IMPACT: variants seen among roughly 807,000 people sequenced by gnomAD.
The protein encoded by IMPACT is protein IMPACT.
IMPACT carries 35 observed loss-of-function variants against 47.5 expected under a neutral mutation model. That is an observed-to-expected ratio of 0.74 (90% CI 0.56 to 0.98). IMPACT has a LOEUF of 0.98. IMPACT is among the 50% of genes least tolerant of loss of function. IMPACT has a pLI of 0.00. For synonymous variants in IMPACT, 118 were observed against 125.6 expected (o/e 0.94, Z 0.40); for missense variants, 373 against 394.8 (o/e 0.94, Z 0.47).
rs371194789 is a variant in IMPACT at position 24,428,939 on chromosome 18, G to A, written c.218+18G>A. The A allele has an allele frequency of 2.2e-5, 35 of 1,563,716 alleles. No individual in the cohort carries two copies. The highest frequency in any genetic ancestry group is 3.0e-5 in the Non-Finnish European group (34 of 1,138,016). ...CAGTTGAAGTAAGCTGTATTTCTAC[G>A]TTTATATTGCTATAAAAAGATTCTA... On this transcript the variant is annotated intron_variant, in intron 3 of 10. Coordinates refer to ENST00000284202, the MANE Select transcript of IMPACT (RefSeq NM_018439.4).
At chr18:24,435,177 C>G (rs1467391526) in intron 4 of IMPACT, among the ~76,000 whole-genome samples, 1 of 151,866 alleles carries the variant, frequency 6.6e-6, no homozygotes, top group Non-Finnish European at 1.5e-5. Context: ...GCTACGTTGC[C>G]CAGACTTGTC....
chr18:24,433,877 G>A (rs1304233644), intron 4 of IMPACT, among the ~76,000 whole-genome samples: 2 of 151,348 alleles, frequency 1.3e-5, no homozygotes, highest in African/African-American at 4.9e-5. Context: ...CAGCATTTTG[G>A]CCAGGCTGGT....
At chr18:24,430,012 C>T (rs1317248815) in intron 3 of IMPACT, among the ~76,000 whole-genome samples, 2 of 152,024 alleles carry the variant, frequency 1.3e-5, no homozygotes, top group East Asian at 1.9e-4. Flanking sequence ...CTCCTGACCT[C>T]GTGATCTGCC....
chr18:24,448,178 A>G lies in IMPACT; in HGVS notation c.754A>G (p.Met252Val). 8.1e-6 allele frequency: 13 copies of G among 1,609,964 alleles called. No individual in the cohort carries two copies. The highest frequency in any genetic ancestry group is 1.0e-5 in the Non-Finnish European group (12 of 1,176,350). Residue 252 changes from methionine (M) to valine (V), a missense_variant, in exon 9 of 11, where the codon ATG (methionine) becomes GTG (valine). Physicochemically the swap from Met to Val is conservative, Grantham distance 21. Transcript: ENST00000284202. Reference sequence around the variant, plus strand: ...AGCTGGTGGGCGTCTTCTTCATCTCATGGAGGTAGGTGTAAGTTAAACTAT... The same window carrying G: ...AGCTGGTGGGCGTCTTCTTCATCTCGTGGAGGTAGGTGTAAGTTAAACTAT... ...TAAGGRLLHL[M>V]EILNVKNVMV...
At position 24,445,124 on chromosome 18, in the gene IMPACT, A is replaced by G. The variant is rs116410245; in HGVS notation, c.595-269A>G. 4.0e-3 allele frequency among the ~76,000 whole-genome samples: 615 copies of G among 152,306 alleles called. 2 individuals carry two copies. The highest frequency in any genetic ancestry group is 0.014 in the African/African-American group (599 of 41,574). On this transcript the variant is annotated intron_variant, in intron 7 of 10. Coordinates refer to ENST00000284202, the MANE Select transcript of IMPACT (RefSeq NM_018439.4). ...ACATTTAAAATTCCCTACATGGGGA[A>G]CAAACTTTCCCTTTGACATAGTAGT...
At chr18:24,429,640 T>C (rs1908700680) in intron 3 of IMPACT, 1 of 152,218 alleles carries the variant, frequency 6.6e-6, no homozygotes, top group African/African-American at 2.4e-5. Context: ...CTAGAATTTG[T>C]ACCTATTAGT....
Position 24,450,892 on chromosome 18 carries a change from A to G in IMPACT, c.*45A>G. Reference sequence around the variant, plus strand: ...GGTTAATTTGCCTATAATTATATATACATTCCATAGTCATCAAGGAATATA... The same window carrying G: ...GGTTAATTTGCCTATAATTATATATGCATTCCATAGTCATCAAGGAATATA... On this transcript the variant is annotated 3_prime_UTR_variant, in exon 11 of 11. Coordinates refer to ENST00000284202, the MANE Select transcript of IMPACT (RefSeq NM_018439.4). 8.7e-7 allele frequency: 1 copy of G among 1,143,090 alleles called. No individual in the cohort carries two copies. The highest frequency in any genetic ancestry group is 1.3e-5 in the South Asian group (1 of 77,448). The allele number at this position is 1,143,090 out of a possible 1,614,324, so 70.8% of individuals were successfully genotyped here. A position where few individuals can be genotyped will look rare whatever the true frequency, so the allele number is the denominator to read the frequency against.
At chr18:24,447,984 A>C in intron 8 of IMPACT, 109 bp from the exon 9 acceptor site, 1 of 631,150 alleles carries the variant, frequency 1.6e-6, no homozygotes, top group Non-Finnish European at 2.8e-6. Context: ...GATTTAAAAA[A>C]ATGAATATGC....
At chr18:24,436,943 G>T (rs1701889260) in intron 4 of IMPACT, among the ~76,000 whole-genome samples, 1 of 152,184 alleles carries the variant, frequency 6.6e-6, no homozygotes. Flanking sequence ...ACACAGCTTA[G>T]TGCATTTTAG....
intron 4 of IMPACT, among the ~76,000 whole-genome samples, chr18:24,434,860 G>A (rs1908874689): frequency 7.6e-6 from 1 of 130,882 alleles, no homozygotes; most frequent in Non-Finnish European, 1.5e-5. Context: ...ATATATATGT[G>A]TATATATATG....
chr18:24,435,361 T>G (rs1186575102), intron 4 of IMPACT: 1 of 152,208 alleles, frequency 6.6e-6, no homozygotes, highest in Non-Finnish European at 1.5e-5. Context: ...CTTAAAATAC[T>G]TAGAATATGA....
chr18:24,426,830 C>A (rs1908620801), intron 1 of IMPACT, 38 bp downstream of exon 1: 1 of 1,228,836 alleles, frequency 8.1e-7, no homozygotes, highest in African/African-American at 1.6e-5. Context: ...CCAGGCTCGG[C>A]TCCGGCTCGC....
intron 5 of IMPACT, among the ~76,000 whole-genome samples, chr18:24,439,186 C>A (rs1370646652): frequency 6.6e-6 from 1 of 152,112 alleles, no homozygotes; most frequent in East Asian, 1.9e-4. Context: ...TTGTTAATCT[C>A]ATCCAAAAAA....
intron 4 of IMPACT, among the ~76,000 whole-genome samples, chr18:24,434,880 ATG>A (rs1467288328): frequency 1.1e-5 from 1 of 95,160 alleles, no homozygotes; most frequent in African/African-American, 5.3e-5. Context: ...GTGTATATAT[ATG>A]TGTATATATA....
intron 10 of IMPACT, 136 bp downstream of exon 10, chr18:24,450,089 C>G: frequency 1.2e-6 from 1 of 868,122 alleles, no homozygotes; most frequent in Non-Finnish European, 1.8e-6. Flanking sequence ...ACCTGGAGAC[C>G]TAGACTCTAA....
In IMPACT at chr18:24,426,904, G is replaced by C. The variant is rs117158838; in HGVS notation, c.36+112G>C. On this transcript the variant is annotated intron_variant, in intron 1 of 10. Transcript: ENST00000284202. The stretch of plus-strand genomic sequence containing the variant: ...CCTGGGGCCGCCCCGGGTTCCGCCA[G>C]CACTGGCCACGCCATTTGCTCCACC... The C allele has an allele frequency of 3.3e-3, 2,369 of 718,662 alleles. 12 individuals carry two copies. The highest frequency in any genetic ancestry group is 0.016 in the Middle Eastern group (48 of 2,994). 44.5% of individuals were successfully genotyped at this position (718,662 alleles called of 1,614,324 possible).
At chr18:24,436,126 T>G (rs1908933390) in intron 4 of IMPACT, among the ~76,000 whole-genome samples, 1 of 152,214 alleles carries the variant, frequency 6.6e-6, no homozygotes, top group Non-Finnish European at 1.5e-5. Context: ...TCAGTCAGGC[T>G]TTTGGAGTCA....
rs1235435055 is a variant in IMPACT, at chr18:24,451,943, C to G, written c.*1096C>G. 6.6e-6 allele frequency: 1 copy of G among 151,588 alleles called. No individual in the cohort carries two copies. The highest frequency in any genetic ancestry group is 1.5e-5 in the Non-Finnish European group (1 of 67,972). The allele number at this position is 151,588 out of a possible 1,614,324, so 9.4% of individuals were successfully genotyped here. ...TGTATCTTTCATCTTCCAGTTACCT[C>G]TAGGCATTTAGATAGTGAAATTTAC... On this transcript the variant is annotated 3_prime_UTR_variant, in exon 11 of 11. Transcript: ENST00000284202.
intron 5 of IMPACT, 46 bp from the exon 6 acceptor site, chr18:24,440,439 TAAAAAGCATCG>T: frequency 1.3e-6 from 2 of 1,573,532 alleles, no homozygotes; most frequent in Admixed American, 1.9e-5. Flanking sequence ...GATTTTTTTT[TAAAAAGCATCG>T]TTTCTTACCT....
Sources: allele counts gnomAD v4.1 joint callset (sites outside exome capture counted in the v4.1 genomes callset), GRCh38; gene constraint gnomAD v4.1.1; transcripts MANE v1.5; gene names NCBI Gene and HGNC (gene_info 2026-07-23, HGNC 2026-07-21).